SGO1: variants seen among roughly 807,000 people sequenced by gnomAD.
The protein encoded by SGO1 is serologically defined breast cancer antigen NY-BR-85.
In SGO1, 39 loss-of-function variants were observed where a neutral mutation model predicts 50.5. The ratio of observed to expected loss-of-function variants is 0.77; its 90% CI spans 0.60 to 1.01. The LOEUF (loss-of-function observed/expected upper bound fraction) is 1.01. Ranked by LOEUF, SGO1 falls within the 50% of genes least tolerant of loss-of-function variation. The pLI, the probability that SGO1 is intolerant of heterozygous loss-of-function variation, is 0.00. For missense variants in SGO1, 638 were observed against 606.0 expected (o/e 1.05, Z -0.55); for synonymous variants, 191 against 205.1 (o/e 0.93, Z 0.59).
At position 20,170,780 on chromosome 3, in the gene SGO1, C is replaced by A; in HGVS notation, c.1508G>T (p.Cys503Phe). The change falls in exon 8 of 8, where the codon TGT becomes TTT. Residue 503 changes from cysteine (C) to phenylalanine (F), a missense_variant. By Grantham distance (205) the Cys-to-Phe change is radical. Coordinates refer to ENST00000412997, the MANE Select transcript of SGO1 (RefSeq NM_001199251.3). ...CTTGAAAATAGGAGAATTCAAAAAA[C>A]ACAAATCTGTAAAAGGGTCCCCTCT... ...LRRGDPFTDL[C>F]FLNSPIFKQK... The A allele has an allele frequency of 6.3e-7, 1 of 1,595,886 alleles. No homozygotes were observed. Among genetic ancestry groups the A allele is most frequent in the Non-Finnish European group, 8.5e-7 (1 of 1,175,802 alleles).
At chr3:20,186,336 A>T (rs1301885217), upstream of SGO1, 2 of 152,288 alleles carry the variant, frequency 1.3e-5, no homozygotes, top group Non-Finnish European at 1.5e-5. Context: ...CATTCGCTCA[A>T]GTCCACATCC....
chr3:20,177,194 ATT>A (rs1205721583), intron 4 of SGO1: 1 of 152,148 alleles, frequency 6.6e-6, no homozygotes, highest in African/African-American at 2.4e-5. Context: ...TCTAATTGTA[ATT>A]TTATTCTTTA....
Position 20,171,042 on chromosome 3 carries a change from C to A in SGO1, c.1472+1G>T, listed in dbSNP as rs760014774. ...TAAGTTCCCACAAACCAAATACTTA[C>A]GAAGCGAGGGTGGGCTCCTTATAGT... On this transcript the variant is annotated splice_donor_variant, in intron 7 of 7. Transcript: ENST00000412997. LOFTEE classifies it high-confidence loss of function. The A allele has an allele frequency of 2.5e-6, 4 of 1,578,814 alleles. No homozygotes were observed. The highest frequency in any genetic ancestry group is 3.4e-6 in the Non-Finnish European group (4 of 1,169,256).
intron 5 of SGO1, among the ~76,000 whole-genome samples, 170 bp from the exon 6 acceptor site, chr3:20,175,225 A>G (rs966854224): frequency 1.3e-5 from 2 of 152,198 alleles, no homozygotes; most frequent in Non-Finnish European, 2.9e-5. Context: ...ATTACCATCT[A>G]TTTACTTGTC....
intron 1 of SGO1, 36 bp from the exon 2 acceptor site, chr3:20,184,070 A>G: frequency 6.7e-7 from 1 of 1,495,600 alleles, no homozygotes; most frequent in Non-Finnish European, 8.9e-7. Flanking sequence ...CAGAGAGAAT[A>G]TTATCAAATA....
At position 20,174,785 on chromosome 3, in the gene SGO1, C is replaced by T; in HGVS notation, c.746G>A (p.Ser249Asn). ...TGGTGATAAGTTAACTTGGTCCTTG[C>T]TCCATTGACAAGCATTGTGTTGTAC... ...ENVQHNACQW[S>N]KDQVNLSPKL... is the part of the protein sequence containing the mutation. Residue 249 changes from serine to asparagine, a missense_variant, in exon 6 of 8, where the codon AGC becomes AAC. By Grantham distance (46) the Ser-to-Asn change is conservative (BLOSUM62 1). Coordinates refer to ENST00000412997, the MANE Select transcript of SGO1 (RefSeq NM_001199251.3). 6.2e-7 allele frequency: 1 copy of T among 1,614,046 alleles called. No individual in the cohort carries two copies. Among genetic ancestry groups the T allele is most frequent in the Non-Finnish European group, 8.5e-7 (1 of 1,180,010 alleles).
chr3:20,185,898 T>A (rs1010789175), intron 1 of SGO1, 50 bp downstream of exon 1: 4 of 152,124 alleles, frequency 2.6e-5, no homozygotes, highest in Non-Finnish European at 5.9e-5. Context: ...AGAATGATAC[T>A]GAAAACCGAA....
At chr3:20,173,422 G>A (rs1242281398) in intron 6 of SGO1, among the ~76,000 whole-genome samples, 3 of 152,204 alleles carry the variant, frequency 2.0e-5, no homozygotes, top group Non-Finnish European at 2.9e-5. Context: ...TTACAGGCGT[G>A]AGCCAACCCG....
At chr3:20,182,374 G>A (rs901794843) in intron 3 of SGO1, among the ~76,000 whole-genome samples, 1 of 147,416 alleles carries the variant, frequency 6.8e-6, no homozygotes, top group South Asian at 2.1e-4. Flanking sequence ...CAATGTTCTC[G>A]CTTTCTTATC....
Position 20,170,175 on chromosome 3 carries a change from G to T in SGO1, c.*529C>A. 1.1e-6 allele frequency: 1 copy of T among 872,212 alleles called. No homozygotes were observed. Among genetic ancestry groups the T allele is most frequent in the East Asian group, 1.2e-4 (1 of 8,294 alleles). The allele number at this position is 872,212 out of a possible 1,614,324, so 54.0% of individuals were successfully genotyped here. A position where few individuals can be genotyped will look rare whatever the true frequency, so the allele number is the denominator to read the frequency against. On this transcript the variant is annotated 3_prime_UTR_variant, in exon 8 of 8. Coordinates refer to ENST00000412997, the MANE Select transcript of SGO1 (RefSeq NM_001199251.3). ...GCACTTTGGGAGGCCGAGGTGGGCA[G>T]ATCACCTGAGGTTGGGAGTTTGAGA...
chr3:20,169,342 A>C, downstream of SGO1: 3 of 983,696 alleles, frequency 3.0e-6, no homozygotes, highest in African/African-American at 5.2e-5. Context: ...TGAAAATACT[A>C]AGGATTAACT....
downstream of SGO1, among the ~76,000 whole-genome samples, chr3:20,166,296 A>C (rs544878448): frequency 1.3e-5 from 2 of 152,212 alleles, no homozygotes; most frequent in African/African-American, 4.8e-5. Flanking sequence ...ACAACAAAAA[A>C]CAACCTATTG....
In SGO1 at chr3:20,174,445, G is replaced by A. The variant is rs1475980465; in HGVS notation, c.1086C>T (p.Asn362=). Residue 362 remains asparagine, a synonymous_variant, in exon 6 of 8, where the codon AAC becomes AAT. Transcript: ENST00000412997. ...ATTCACAGAGGCTCACTTCAGACTC[G>A]TTGTTTTCTTCTCTATTAGAGTCAT... ...VSNDSNREEN[N]ESEVSLCESS... The A allele has an allele frequency of 5.3e-5, 86 of 1,613,884 alleles. No homozygotes were observed. In the Admixed American group the frequency reaches 9.3e-4, roughly 18 times the overall value.
chr3:20,177,011 G>T (rs930054511), intron 4 of SGO1, among the ~76,000 whole-genome samples: 3 of 152,208 alleles, frequency 2.0e-5, no homozygotes, highest in African/African-American at 7.2e-5. Context: ...CTCTTTAGGA[G>T]CCTGCTTTAT....
downstream of SGO1, among the ~76,000 whole-genome samples, chr3:20,166,209 C>T (rs1278902810): frequency 6.6e-6 from 1 of 152,090 alleles, no homozygotes; most frequent in African/African-American, 2.4e-5. Context: ...AGGCAACCAA[C>T]AGAATGGGGG....
At chr3:20,175,232 T>C (rs1260132582) in intron 5 of SGO1, among the ~76,000 whole-genome samples, 177 bp from the exon 6 acceptor site, 2 of 152,230 alleles carry the variant, frequency 1.3e-5, no homozygotes, top group South Asian at 4.1e-4. Context: ...TCTATTTACT[T>C]GTCAGTGATC....
intron 3 of SGO1, 129 bp from the exon 4 acceptor site, chr3:20,178,476 A>G (rs1575231038): frequency 1.2e-5 from 8 of 657,148 alleles, no homozygotes; most frequent in East Asian, 7.7e-5. Context: ...AACTGAGACT[A>G]TAACAGCTCA....
chr3:20,186,720 T>G (rs192608389), upstream of SGO1: 1 of 152,364 alleles, frequency 6.6e-6, no homozygotes, highest in African/African-American at 2.4e-5. Flanking sequence ...GCCGGCTATC[T>G]CTGGCTCTTT....
At chr3:20,184,263 T>C (rs1297661077) in intron 1 of SGO1, among the ~76,000 whole-genome samples, 4 of 152,198 alleles carry the variant, frequency 2.6e-5, no homozygotes, top group African/African-American at 4.8e-5. Flanking sequence ...TTATTGAATA[T>C]AGATTTCCAA....
Sources: gnomAD v4.1 joint callset for allele counts (sites outside exome capture counted in the v4.1 genomes callset) on GRCh38, gnomAD v4.1.1 for gene constraint, MANE v1.5 for transcripts, NCBI Gene and HGNC (gene_info 2026-07-23, HGNC 2026-07-21) for gene names.